Variants in CSMD1 observed in about 807,000 individuals in gnomAD.
CSMD1 encodes CUB and Sushi multiple domains 1.
A neutral mutation model predicts 417.5 loss-of-function variants in CSMD1; 213 were observed. The ratio of observed to expected loss-of-function variants is 0.51; its 90% CI spans 0.46 to 0.57. CSMD1 has a LOEUF of 0.57. Among genes scored for constraint, CSMD1 ranks in the 20% least tolerant of loss-of-function variants. The pLI, the probability that CSMD1 is intolerant of heterozygous loss-of-function variation, is 0.00. For missense variants in CSMD1, 6,923 were observed against 4,529.7 expected (o/e 1.53, Z -15.17); for synonymous variants, 2,862 against 1,736.8 (o/e 1.65, Z -16.11).
chr8:4,014,881 C>G (rs1363381605), intron 4 of CSMD1, among the ~76,000 whole-genome samples: 1 of 152,094 alleles, frequency 6.6e-6, no homozygotes, highest in Non-Finnish European at 1.5e-5. Flanking sequence ...ACCCACAAAG[C>G]TGAAAATAAT....
At chr8:4,157,715 G>T (rs1172019805) in intron 3 of CSMD1, among the ~76,000 whole-genome samples, 1 of 152,210 alleles carries the variant, frequency 6.6e-6, no homozygotes, top group Non-Finnish European at 1.5e-5. Context: ...CTGCACAGTT[G>T]TCCCTCTGGC....
At chr8:4,874,388 A>ATT (rs3038302) in intron 1 of CSMD1, among the ~76,000 whole-genome samples, 114,087 of 133,426 alleles carry the variant, frequency 0.86, 50,333 homozygotes, top group East Asian at 0.96. Context: ...ATCCGATTGT[A>ATT]TTTTTTTTTT....
chr8:3,496,384 T>A (rs747866587), intron 10 of CSMD1, among the ~76,000 whole-genome samples: 1 of 152,168 alleles, frequency 6.6e-6, no homozygotes, highest in Non-Finnish European at 1.5e-5. Context: ...GGCTTGCTCG[T>A]GGAGGGAAGC....
At chr8:4,047,355 C>T (rs377132656) in intron 3 of CSMD1, among the ~76,000 whole-genome samples, 50 of 152,210 alleles carry the variant, frequency 3.3e-4, no homozygotes, top group Middle Eastern at 3.4e-3. Context: ...CCCTTGGGAA[C>T]GGTCCTGCTC....
chr8:4,803,925 A>T (rs905844907), intron 1 of CSMD1, among the ~76,000 whole-genome samples: 1 of 152,192 alleles, frequency 6.6e-6, no homozygotes, highest in African/African-American at 2.4e-5. Flanking sequence ...CAGAGCCTCC[A>T]TAAATACGAT....
At position 4,930,507 on chromosome 8, in the gene CSMD1, C is replaced by T. The variant is rs1000559621; in HGVS notation, c.85+63825G>A. On this transcript the variant is annotated intron_variant, in intron 1 of 69. Transcript: ENST00000635120. Reference sequence around the variant, plus strand: ...CTGTGCTGAAAATTGTTCAAAACTACAGCCGAGCATACAGCTGAGTAAGCC... The same window carrying T: ...CTGTGCTGAAAATTGTTCAAAACTATAGCCGAGCATACAGCTGAGTAAGCC... Among the ~76,000 whole-genome samples the T allele has an allele frequency of 2.2e-4, 33 of 152,142 alleles. 1 individual carries two copies. Among genetic ancestry groups the T allele is most frequent in the Admixed American group, 1.6e-3 (24 of 15,274 alleles).
chr8:4,708,262 C>G (rs932239562), intron 1 of CSMD1, among the ~76,000 whole-genome samples: 2 of 152,162 alleles, frequency 1.3e-5, no homozygotes, highest in African/African-American at 2.4e-5. Flanking sequence ...CAGTGTGACT[C>G]TTGATTCCCT....
At chr8:4,027,300 G>T (rs1041655707) in intron 4 of CSMD1, among the ~76,000 whole-genome samples, 1 of 152,156 alleles carries the variant, frequency 6.6e-6, no homozygotes. Flanking sequence ...AGTGAGTCAG[G>T]AGTAGAAAGT....
intron 8 of CSMD1, among the ~76,000 whole-genome samples, chr8:3,606,875 A>G (rs1358282694): frequency 6.6e-6 from 1 of 151,686 alleles, no homozygotes; most frequent in Non-Finnish European, 1.5e-5. Context: ...CACGCCCGGC[A>G]AATTTTTTTG....
intron 6 of CSMD1, among the ~76,000 whole-genome samples, chr8:3,713,831 G>C (rs895877602): frequency 6.6e-6 from 1 of 152,130 alleles, no homozygotes. Context: ...TTCAGAGTTT[G>C]GGAGAAATGG....
intron 1 of CSMD1, among the ~76,000 whole-genome samples, chr8:4,712,714 C>T (rs928496432): frequency 1.3e-5 from 2 of 152,024 alleles, no homozygotes; most frequent in African/African-American, 4.8e-5. Context: ...GTTTTTTTCT[C>T]TCTCTCTTTT....
At chr8:4,338,696 C>T (rs1054490720) in intron 3 of CSMD1, among the ~76,000 whole-genome samples, 2 of 152,046 alleles carry the variant, frequency 1.3e-5, no homozygotes, top group Non-Finnish European at 2.9e-5. Context: ...TCCATAGTTC[C>T]GGTTCTACAA....
At chr8:4,301,599 T>C (rs1797985057) in intron 3 of CSMD1, among the ~76,000 whole-genome samples, 1 of 152,222 alleles carries the variant, frequency 6.6e-6, no homozygotes, top group Non-Finnish European at 1.5e-5. Flanking sequence ...GTCAAGATTG[T>C]ATAAGCTGAA....
At chr8:2,938,851 C>G (rs1488929847) in intron 69 of CSMD1, 107 bp from the exon 70 acceptor site, 2 of 970,554 alleles carry the variant, frequency 2.1e-6, no homozygotes. Flanking sequence ...AGCAGTATAG[C>G]CAGGACGTTT....
chr8:4,661,714 A>G (rs1024361375), intron 1 of CSMD1, among the ~76,000 whole-genome samples: 17 of 152,202 alleles, frequency 1.1e-4, no homozygotes, highest in African/African-American at 3.9e-4. Context: ...TCCCAAAATA[A>G]AAAGTTTAAT....
At chr8:4,063,286 A>G (rs904439965) in intron 3 of CSMD1, among the ~76,000 whole-genome samples, 9 of 152,102 alleles carry the variant, frequency 5.9e-5, no homozygotes, top group Non-Finnish European at 1.0e-4. Context: ...CAAAAAAACC[A>G]AAAAAGAAAA....
At chr8:3,936,660 C>A (rs1300824445) in intron 5 of CSMD1, among the ~76,000 whole-genome samples, 1 of 152,156 alleles carries the variant, frequency 6.6e-6, no homozygotes, top group Non-Finnish European at 1.5e-5. Flanking sequence ...AATATTGCTG[C>A]TCTTTAACAA....
At chr8:3,536,840 C>T (rs9969629) in intron 10 of CSMD1, among the ~76,000 whole-genome samples, 3,062 of 152,216 alleles carry the variant, frequency 0.02, 124 homozygotes, top group African/African-American at 0.07. Flanking sequence ...TTCGGTCCCA[C>T]GGTCCGTGTT....
chr8:4,360,094 C>T (rs1563092455), intron 3 of CSMD1, among the ~76,000 whole-genome samples: 2 of 152,316 alleles, frequency 1.3e-5, no homozygotes, highest in East Asian at 3.9e-4. Flanking sequence ...AGTTACTTAA[C>T]ATATCTGTAT....
Sources: gnomAD v4.1 joint callset for allele counts (sites outside exome capture counted in the v4.1 genomes callset) on GRCh38, gnomAD v4.1.1 for gene constraint, MANE v1.5 for transcripts, NCBI Gene and HGNC (gene_info 2026-07-23, HGNC 2026-07-21) for gene names.